The following NPAS3 variants were observed in gnomAD, a reference collection of about 807,000 sequenced individuals.
NPAS3 encodes the protein neuronal PAS domain-containing protein 3.
Under a neutral mutation model 73.1 loss-of-function variants are expected in NPAS3, and 14 were observed. That is an observed-to-expected ratio of 0.19 (90% CI 0.13 to 0.30). The LOEUF (loss-of-function observed/expected upper bound fraction) is 0.30, where lower values mean the gene tolerates loss of function less well. Among genes scored for constraint, NPAS3 ranks in the 10% least tolerant of loss-of-function variants. The pLI, the probability that NPAS3 is intolerant of heterozygous loss-of-function variation, is 1.00. For missense variants in NPAS3, 1,096 were observed against 1,250.0 expected (o/e 0.88, Z 1.86); for synonymous variants, 620 against 541.5 (o/e 1.14, Z -2.01).
chr14:33,567,980 G>A (rs1393484421), intron 5 of NPAS3, among the ~76,000 whole-genome samples: 1 of 152,142 alleles, frequency 6.6e-6, no homozygotes, highest in Non-Finnish European at 1.5e-5. Context: ...AGAATCTCAG[G>A]ATAATTCAAG....
At chr14:33,070,068 A>G (rs1224592089) in intron 2 of NPAS3, among the ~76,000 whole-genome samples, 2 of 152,152 alleles carry the variant, frequency 1.3e-5, no homozygotes, top group African/African-American at 4.8e-5. Flanking sequence ...TTTTCTTATT[A>G]TTTTTTAGCT....
intron 1 of NPAS3, among the ~76,000 whole-genome samples, chr14:32,986,899 T>C (rs1294140574): frequency 6.6e-6 from 1 of 152,212 alleles, no homozygotes; most frequent in African/African-American, 2.4e-5. Flanking sequence ...TTTTCAGTGA[T>C]GTAACCCATT....
At position 33,528,004 on chromosome 14, in the gene NPAS3, C is replaced by T. The variant is rs566235959; in HGVS notation, c.469-32117C>T. On this transcript the variant is annotated intron_variant, in intron 4 of 11. Coordinates refer to ENST00000356141, the Ensembl canonical transcript of NPAS3. ...TGTCCTGGACCTAAAACCTGCCACA[C>T]CTTTTTATCAGTAAACCATATATTA... is the stretch of plus-strand genomic sequence containing the variant. Among the ~76,000 whole-genome samples, 5 of 152,178 alleles carry T rather than the reference C, an allele frequency of 3.3e-5. No homozygotes were observed. In the East Asian group the frequency reaches 7.7e-4, roughly 24 times the overall value.
At chr14:33,743,971 CT>C (rs1393055303) in intron 7 of NPAS3, among the ~76,000 whole-genome samples, 6 of 152,226 alleles carry the variant, frequency 3.9e-5, no homozygotes, top group Non-Finnish European at 4.4e-5. Flanking sequence ...CTGGATTAGG[CT>C]TTGGCATTAT....
chr14:33,478,340 T>G (rs760413622), intron 4 of NPAS3, among the ~76,000 whole-genome samples: 1 of 152,172 alleles, frequency 6.6e-6, no homozygotes, highest in Non-Finnish European at 1.5e-5. Context: ...ACACATAAAA[T>G]GCTACAATGC....
chr14:33,049,407 T>C (rs916962285), intron 1 of NPAS3, among the ~76,000 whole-genome samples: 5 of 152,190 alleles, frequency 3.3e-5, no homozygotes, highest in Non-Finnish European at 5.9e-5. Flanking sequence ...GAAGGAGGTT[T>C]AATGGAGAAC....
At chr14:33,751,016 T>C (rs897469403) in intron 7 of NPAS3, among the ~76,000 whole-genome samples, 1 of 152,216 alleles carries the variant, frequency 6.6e-6, no homozygotes, top group East Asian at 1.9e-4. Flanking sequence ...AATAAAGAGA[T>C]GAAGGCATCA....
intron 2 of NPAS3, among the ~76,000 whole-genome samples, chr14:33,158,829 AG>A: frequency 6.6e-6 from 1 of 152,180 alleles, no homozygotes; most frequent in Non-Finnish European, 1.5e-5. Flanking sequence ...TATTGTAGTT[AG>A]GGAAAGGGGT....
intron 1 of NPAS3, among the ~76,000 whole-genome samples, chr14:32,980,677 A>C (rs1315477770): frequency 6.6e-6 from 1 of 152,204 alleles, no homozygotes; most frequent in Non-Finnish European, 1.5e-5. Flanking sequence ...CTCTGAGTCC[A>C]GGAAACTGAG....
chr14:33,156,466 C>A (rs1428282503), intron 2 of NPAS3, among the ~76,000 whole-genome samples: 3 of 152,160 alleles, frequency 2.0e-5, no homozygotes, highest in African/African-American at 7.2e-5. Context: ...TTGTTCTAGA[C>A]AATAGATTGG....
intron 5 of NPAS3, among the ~76,000 whole-genome samples, chr14:33,599,348 G>A (rs1173758409): frequency 2.0e-5 from 3 of 152,080 alleles, no homozygotes; most frequent in East Asian, 3.9e-4. Context: ...GAAGAATTAG[G>A]TATTGTACTC....
chr14:33,622,031 A>G (rs900713002), intron 5 of NPAS3, among the ~76,000 whole-genome samples: 3 of 152,216 alleles, frequency 2.0e-5, no homozygotes, highest in Middle Eastern at 3.2e-3. Flanking sequence ...GAAAGGCGCA[A>G]TGAATGACCA....
chr14:33,513,672 G>A (rs1348801531), intron 4 of NPAS3, among the ~76,000 whole-genome samples: 1 of 151,948 alleles, frequency 6.6e-6, no homozygotes, highest in Non-Finnish European at 1.5e-5. Context: ...ACCTTCCAAG[G>A]GAGTAAGAAG....
At chr14:33,499,021 G>A in intron 4 of NPAS3, among the ~76,000 whole-genome samples, 1 of 147,958 alleles carries the variant, frequency 6.8e-6, no homozygotes, top group Non-Finnish European at 1.5e-5. Flanking sequence ...ACCTATAGAT[G>A]AAAGAGACGG....
At chr14:32,962,906 G>T (rs1343996739) in intron 1 of NPAS3, among the ~76,000 whole-genome samples, 3 of 150,204 alleles carry the variant, frequency 2.0e-5, no homozygotes, top group African/African-American at 7.3e-5. Context: ...AAAGAGGTGG[G>T]GTCTCACTAT....
intron 3 of NPAS3, among the ~76,000 whole-genome samples, chr14:33,294,505 A>G (rs2042218711): frequency 6.6e-6 from 1 of 152,076 alleles, no homozygotes; most frequent in South Asian, 2.1e-4. Context: ...CTAATTATAC[A>G]GCTGTTAGTG....
At chr14:33,078,217 G>A (rs1004317452) in intron 2 of NPAS3, among the ~76,000 whole-genome samples, 1 of 152,006 alleles carries the variant, frequency 6.6e-6, no homozygotes, top group Non-Finnish European at 1.5e-5. Flanking sequence ...CTTGCCTGAC[G>A]GAACTGCGGA....
intron 1 of NPAS3, among the ~76,000 whole-genome samples, chr14:33,046,149 T>C (rs2040498528): frequency 6.6e-6 from 1 of 152,158 alleles, no homozygotes; most frequent in Admixed American, 6.5e-5. Flanking sequence ...GAAAGGTATA[T>C]GTGGGTCTGC....
chr14:33,563,537 C>CACACACACACACAGAGAGAG lies in NPAS3; in HGVS notation c.558+3328_558+3329insCACACACACACAGAGAGAGA. On this transcript the variant is annotated intron_variant, in intron 5 of 11. Transcript: ENST00000356141. ...ATACATACACACACACACACACACA[C>CACACACACACACAGAGAGAG]AGAGAGAGAGAGAGAGAGAGAGAGA... 5.1e-3 allele frequency among the ~76,000 whole-genome samples: 612 copies of CACACACACACACAGAGAGAG among 119,584 alleles called. 11 individuals carry two copies. Among genetic ancestry groups the CACACACACACACAGAGAGAG allele is most frequent in the African/African-American group, 0.018 (494 of 26,730 alleles). 78.5% of individuals were successfully genotyped at this position (119,584 alleles called of 152,430 possible). A position where few individuals can be genotyped will look rare whatever the true frequency, so the allele number is the denominator to read the frequency against.
Sources: gnomAD v4.1 joint callset for allele counts (sites outside exome capture counted in the v4.1 genomes callset) on GRCh38, gnomAD v4.1.1 for gene constraint, MANE v1.5 for transcripts, NCBI Gene and HGNC (gene_info 2026-07-23, HGNC 2026-07-21) for gene names.